Variants in CENPC observed in about 807,000 individuals in gnomAD.
CENPC encodes CENP-C 1.
CENPC carries 63 observed loss-of-function variants against 112.1 expected under a neutral mutation model. The ratio of observed to expected loss-of-function variants is 0.56; its 90% CI spans 0.46 to 0.69. CENPC has a LOEUF of 0.69. Among genes scored for constraint, CENPC ranks in the 30% least tolerant of loss-of-function variants. The pLI is 0.00. For synonymous variants in CENPC, 333 were observed against 367.6 expected (o/e 0.91, Z 1.08); for missense variants, 1,000 against 1,103.8 (o/e 0.91, Z 1.33).
At chr4:67,492,665 T>C (rs996433368) in intron 15 of CENPC, 6 of 810,464 alleles carry the variant, frequency 7.4e-6, no homozygotes, top group Non-Finnish European at 1.0e-5. Flanking sequence ...TGAAGAAATT[T>C]ATAATATGCT....
At chr4:67,498,149 G>A (rs904815744) in intron 12 of CENPC, among the ~76,000 whole-genome samples, 3 of 151,892 alleles carry the variant, frequency 2.0e-5, no homozygotes, top group East Asian at 1.9e-4. Flanking sequence ...CAAGAGAATC[G>A]CTTGAACCCA....
At chr4:67,520,493 C>A (rs1726192170) in intron 5 of CENPC, among the ~76,000 whole-genome samples, 1 of 152,074 alleles carries the variant, frequency 6.6e-6, no homozygotes, top group South Asian at 2.1e-4. Flanking sequence ...GAGAGGCCAG[C>A]AACCCCCTGT....
At chr4:67,485,425 T>C (rs1560420654) in intron 17 of CENPC, among the ~76,000 whole-genome samples, 1 of 151,966 alleles carries the variant, frequency 6.6e-6, no homozygotes, top group Admixed American at 6.6e-5. Flanking sequence ...CAGCCATTGT[T>C]AGAAATTAGT....
At chr4:67,527,547 C>T (rs538415194) in intron 5 of CENPC, among the ~76,000 whole-genome samples, 1 of 119,628 alleles carries the variant, frequency 8.4e-6, no homozygotes, top group South Asian at 2.8e-4. Context: ...TGTACCCAGG[C>T]TGGAGTGGGG....
At position 67,468,833 on chromosome 4, in the gene CENPC, A is replaced by G. The variant is rs1724578156; in HGVS notation, c.*3772T>C. 1 of 152,222 alleles carries G rather than the reference A, an allele frequency of 6.6e-6. No homozygotes were observed. Among genetic ancestry groups the G allele is most frequent in the Non-Finnish European group, 1.5e-5 (1 of 68,030 alleles). 9.4% of individuals were successfully genotyped at this position (152,222 alleles called of 1,614,324 possible). On this transcript the variant is annotated 3_prime_UTR_variant, in exon 19 of 19. Coordinates refer to ENST00000273853, the MANE Select transcript of CENPC (RefSeq NM_001812.4). ...ACTAGAGAATACCACTTAGCAATAA[A>G]AAAGAAATGAGCTATTGATAGGTAT... is the stretch of plus-strand genomic sequence containing the variant.
At chr4:67,476,322 C>G (rs1724803015) in intron 17 of CENPC, among the ~76,000 whole-genome samples, 1 of 152,180 alleles carries the variant, frequency 6.6e-6, no homozygotes, top group Non-Finnish European at 1.5e-5. Context: ...CATGAGACAG[C>G]TGAACAACCG....
chr4:67,491,525 A>AGAGAGAGAGAGC (rs1553893257), intron 16 of CENPC, among the ~76,000 whole-genome samples: 2 of 130,088 alleles, frequency 1.5e-5, no homozygotes, highest in Non-Finnish European at 3.3e-5. Flanking sequence ...AGAGAGAGAG[A>AGAGAGAGAGAGC]GAGCCTGGTT....
rs1392430654 is a variant in CENPC, at chr4:67,470,108, A to G, written c.*2497T>C. The stretch of plus-strand genomic sequence containing the variant: ...CCATTATAGCCCTAGAAGTTGGCTG[A>G]ACAGTTGGCTGAACAGTAGGCTGCA... On this transcript the variant is annotated 3_prime_UTR_variant, in exon 19 of 19. Transcript: ENST00000273853. The G allele has an allele frequency of 6.6e-6, 1 of 152,176 alleles. No individual in the cohort carries two copies. The highest frequency in any genetic ancestry group is 2.4e-5 in the African/African-American group (1 of 41,450). The allele number at this position is 152,176 out of a possible 1,614,324, so 9.4% of individuals were successfully genotyped here.
At chr4:67,537,670 G>A (rs1369808487) in intron 4 of CENPC, among the ~76,000 whole-genome samples, 5 of 152,160 alleles carry the variant, frequency 3.3e-5, no homozygotes, top group South Asian at 2.1e-4. Flanking sequence ...ATGGGCGCCT[G>A]TAACCCCAGC....
chr4:67,514,798 T>C, intron 7 of CENPC, 111 bp from the exon 8 acceptor site: 1 of 1,068,878 alleles, frequency 9.4e-7, no homozygotes, highest in Non-Finnish European at 1.3e-6. Context: ...ACTGTTTATA[T>C]ATCTCCTCAA....
chr4:67,521,300 AT>A (rs1380863022), intron 5 of CENPC, among the ~76,000 whole-genome samples: 1 of 151,968 alleles, frequency 6.6e-6, no homozygotes, highest in Non-Finnish European at 1.5e-5. Flanking sequence ...AGCAAACATC[AT>A]AAAATGCTTT....
At chr4:67,529,006 C>T (rs899593320) in intron 5 of CENPC, among the ~76,000 whole-genome samples, 1 of 152,124 alleles carries the variant, frequency 6.6e-6, no homozygotes, top group Non-Finnish European at 1.5e-5. Context: ...TAAATAATAG[C>T]TAACCTAGTG....
intron 12 of CENPC, among the ~76,000 whole-genome samples, chr4:67,496,782 C>T (rs971839280): frequency 1.8e-4 from 28 of 152,114 alleles, no homozygotes; most frequent in African/African-American, 6.5e-4. Flanking sequence ...AAGGTTCTAA[C>T]ATCGATTGTG....
At chr4:67,538,739 G>T (rs1007384297) in intron 4 of CENPC, among the ~76,000 whole-genome samples, 1 of 152,162 alleles carries the variant, frequency 6.6e-6, no homozygotes, top group Admixed American at 6.6e-5. Context: ...GAAGCCTTGA[G>T]GGGGAATATC....
intron 2 of CENPC, among the ~76,000 whole-genome samples, chr4:67,541,790 A>T (rs1726896320): frequency 6.6e-6 from 1 of 152,168 alleles, no homozygotes. Context: ...TTCCATCATC[A>T]CAAAGATCCT....
At chr4:67,515,532 C>T (rs1476179156) in intron 7 of CENPC, among the ~76,000 whole-genome samples, 1 of 151,316 alleles carries the variant, frequency 6.6e-6, no homozygotes, top group East Asian at 1.9e-4. Context: ...TTTTTTACAT[C>T]CCACAGTTCT....
chr4:67,477,801 T>C (rs148450005), intron 17 of CENPC, among the ~76,000 whole-genome samples: 1 of 151,986 alleles, frequency 6.6e-6, no homozygotes, highest in Non-Finnish European at 1.5e-5. Flanking sequence ...AATTTTTTTT[T>C]AAAAATACAG....
intron 12 of CENPC, 150 bp downstream of exon 12, chr4:67,505,055 C>T: frequency 1.6e-6 from 1 of 614,974 alleles, no homozygotes; most frequent in Non-Finnish European, 2.9e-6. Context: ...CACTTAGGTA[C>T]AGGGTCTTAT....
rs769332746 is a variant in CENPC, at chr4:67,508,994, G to T, written c.1724C>A (p.Thr575Asn). 1.9e-6 allele frequency: 3 copies of T among 1,613,270 alleles called. No homozygotes were observed. In the Admixed American group the frequency reaches 5.0e-5, roughly 27 times the overall value. Residue 575 changes from threonine to asparagine, a missense_variant, in exon 10 of 19, where the codon ACT becomes AAT. Transcript: ENST00000273853. ...TGTCTTCTGCCTTTTAAGTGGAATA[G>T]TTTTTTTCCTAATATTCTTAGATGA... ...NQSSKNIRKK[T>N]IPLKRQKTAT... is the part of the protein sequence containing the mutation.
Sources: allele counts gnomAD v4.1 joint callset (sites outside exome capture counted in the v4.1 genomes callset), GRCh38; gene constraint gnomAD v4.1.1; transcripts MANE v1.5; gene names NCBI Gene and HGNC (gene_info 2026-07-23, HGNC 2026-07-21).